ADAMTSL1: variants seen among roughly 807,000 people sequenced by gnomAD.
The protein encoded by ADAMTSL1 is ADAMTS like 1.
Under a neutral mutation model 201.8 loss-of-function variants are expected in ADAMTSL1, and 126 were observed. The observed-to-expected ratio is 0.62, with a 90% CI of 0.54 to 0.72. The LOEUF (loss-of-function observed/expected upper bound fraction) is 0.72, where lower values mean the gene tolerates loss of function less well. Among genes scored for constraint, ADAMTSL1 ranks in the 30% least tolerant of loss-of-function variants. ADAMTSL1 has a pLI of 0.00. For missense variants in ADAMTSL1, 2,679 were observed against 2,277.8 expected (o/e 1.18, Z -3.59); for synonymous variants, 1,121 against 903.4 (o/e 1.24, Z -4.32).
At chr9:17,961,763 T>C (rs1269013008) in intron 1 of ADAMTSL1, among the ~76,000 whole-genome samples, 2 of 152,182 alleles carry the variant, frequency 1.3e-5, no homozygotes, top group African/African-American at 4.8e-5. Context: ...TATTTGCCTG[T>C]GGCCCTTTAA....
chr9:17,952,863 C>T (rs534030940), intron 1 of ADAMTSL1, among the ~76,000 whole-genome samples: 70 of 151,982 alleles, frequency 4.6e-4, no homozygotes, highest in South Asian at 4.2e-4. Flanking sequence ...TAAATCTGTA[C>T]GCTATGAGAT....
chr9:18,224,507 C>T (rs1830374073), intron 2 of ADAMTSL1, among the ~76,000 whole-genome samples: 1 of 152,174 alleles, frequency 6.6e-6, no homozygotes, highest in South Asian at 2.1e-4. Context: ...AAAATATTCA[C>T]ATCATAACAT....
chr9:18,330,005 T>C (rs935720714), intron 2 of ADAMTSL1, among the ~76,000 whole-genome samples: 3 of 152,198 alleles, frequency 2.0e-5, no homozygotes, highest in Non-Finnish European at 4.4e-5. Context: ...TGAGTCTTGT[T>C]TTCTCATCTG....
At chr9:18,346,211 T>C (rs1277015481) in intron 2 of ADAMTSL1, among the ~76,000 whole-genome samples, 2 of 152,196 alleles carry the variant, frequency 1.3e-5, no homozygotes, top group African/African-American at 4.8e-5. Context: ...AATCCTAGTG[T>C]TACCCCCACT....
At position 18,843,750 on chromosome 9, in the gene ADAMTSL1, C is replaced by A. The variant is rs565447687; in HGVS notation, c.4249+13773C>A. On this transcript the variant is annotated intron_variant, in intron 23 of 28. Transcript: ENST00000380548. ...TGTTCATTTCTTTTTATTCTTTTTTCTCTAAACTTCCCTTCTCACTTCATT... is the reference window on the plus strand; with the variant it reads ...TGTTCATTTCTTTTTATTCTTTTTTATCTAAACTTCCCTTCTCACTTCATT... 1.4e-4 allele frequency among the ~76,000 whole-genome samples: 21 copies of A among 150,922 alleles called. 1 individual carries two copies. Among genetic ancestry groups the A allele is most frequent in the African/African-American group, 5.0e-4 (20 of 40,276 alleles).
chr9:18,261,097 A>C (rs1831904858), intron 2 of ADAMTSL1, among the ~76,000 whole-genome samples: 1 of 143,748 alleles, frequency 7.0e-6, no homozygotes, highest in African/African-American at 2.6e-5. Context: ...GGGTGGGGGA[A>C]GATAGAGAGA....
chr9:18,634,761 C>G (rs1395014546), intron 5 of ADAMTSL1, among the ~76,000 whole-genome samples: 1 of 145,974 alleles, frequency 6.9e-6, no homozygotes, highest in Non-Finnish European at 1.5e-5. Context: ...TTGCTTGAAC[C>G]CAGGAAACAG....
intron 2 of ADAMTSL1, among the ~76,000 whole-genome samples, chr9:18,295,181 T>A (rs992508604): frequency 6.6e-6 from 1 of 152,036 alleles, no homozygotes; most frequent in Non-Finnish European, 1.5e-5. Context: ...CCAAAAGTGA[T>A]GAGTTCATTA....
At chr9:18,113,390 A>G (rs1488469390) in intron 1 of ADAMTSL1, among the ~76,000 whole-genome samples, 1 of 152,148 alleles carries the variant, frequency 6.6e-6, no homozygotes, top group African/African-American at 2.4e-5. Context: ...AGACAGCAAG[A>G]TAAGTTCCAT....
chr9:18,725,076 T>C (rs1451918620), intron 15 of ADAMTSL1, among the ~76,000 whole-genome samples: 1 of 152,174 alleles, frequency 6.6e-6, no homozygotes, highest in African/African-American at 2.4e-5. Context: ...CTGGCTAATA[T>C]TTTGTATTTT....
At chr9:18,142,534 T>C (rs1826446718) in intron 1 of ADAMTSL1, among the ~76,000 whole-genome samples, 1 of 152,196 alleles carries the variant, frequency 6.6e-6, no homozygotes, top group South Asian at 2.1e-4. Flanking sequence ...AGTGGGGACT[T>C]GGAAAAGTAT....
chr9:18,769,352 A>G (rs1820549719), intron 16 of ADAMTSL1, among the ~76,000 whole-genome samples: 1 of 152,234 alleles, frequency 6.6e-6, no homozygotes, highest in South Asian at 2.1e-4. Flanking sequence ...GCAGCAAGCT[A>G]ATGACAAGAA....
chr9:18,843,687 G>T (rs1305650148), intron 23 of ADAMTSL1, among the ~76,000 whole-genome samples: 28 of 150,652 alleles, frequency 1.9e-4, no homozygotes, highest in African/African-American at 5.0e-4. Flanking sequence ...AGACGTAGAT[G>T]TGGTCTTTTC....
intron 2 of ADAMTSL1, among the ~76,000 whole-genome samples, chr9:18,197,818 G>C (rs957590930): frequency 3.3e-5 from 5 of 152,146 alleles, no homozygotes; most frequent in African/African-American, 9.6e-5. Context: ...TAAGGCAAAA[G>C]AACAAAGCTG....
intron 2 of ADAMTSL1, among the ~76,000 whole-genome samples, chr9:18,315,725 G>A (rs543176826): frequency 3.3e-5 from 5 of 152,240 alleles, no homozygotes; most frequent in African/African-American, 7.2e-5. Flanking sequence ...CACACCTCCC[G>A]GCAAGCAGAG....
intron 15 of ADAMTSL1, among the ~76,000 whole-genome samples, chr9:18,724,859 C>T (rs1005798629): frequency 6.6e-6 from 1 of 151,994 alleles, no homozygotes; most frequent in Non-Finnish European, 1.5e-5. Flanking sequence ...TTTCCTTAAG[C>T]TTAAGGATTT....
intron 25 of ADAMTSL1, among the ~76,000 whole-genome samples, chr9:18,892,053 T>C (rs533096854): frequency 6.6e-6 from 1 of 152,334 alleles, no homozygotes; most frequent in Non-Finnish European, 1.5e-5. Flanking sequence ...TCAGCCTTCA[T>C]GGTCACATTG....
intron 2 of ADAMTSL1, among the ~76,000 whole-genome samples, chr9:18,316,161 C>T (rs749833903): frequency 5.9e-5 from 9 of 152,086 alleles, no homozygotes; most frequent in Non-Finnish European, 1.3e-4. Flanking sequence ...AAGTACTTTA[C>T]ACGGTAATAG....
chr9:18,038,544 T>C (rs1422973670), intron 1 of ADAMTSL1, among the ~76,000 whole-genome samples: 2 of 152,192 alleles, frequency 1.3e-5, no homozygotes, highest in African/African-American at 4.8e-5. Context: ...TATCTCAACC[T>C]GTATCTTTTG....
Sources: gnomAD v4.1 joint callset for allele counts (sites outside exome capture counted in the v4.1 genomes callset) on GRCh38, gnomAD v4.1.1 for gene constraint, MANE v1.5 for transcripts, NCBI Gene and HGNC (gene_info 2026-07-23, HGNC 2026-07-21) for gene names.